The following CTSC variants were observed in gnomAD, a reference collection of about 807,000 sequenced individuals.
The protein encoded by CTSC is cathepsin C, also known as dipeptidyl peptidase 1.
A neutral mutation model predicts 40.9 loss-of-function variants in CTSC; 37 were observed. The observed-to-expected ratio is 0.91, with a 90% confidence interval of 0.70 to 1.19. The LOEUF is 1.19. Ranked by LOEUF, CTSC falls within the 50% of genes most tolerant of loss-of-function variation. The pLI is 0.00. For synonymous variants in CTSC, 232 were observed against 207.4 expected (o/e 1.12, Z -1.02); for missense variants, 594 against 567.3 (o/e 1.05, Z -0.48).
intron 4 of CTSC, among the ~76,000 whole-genome samples, chr11:88,307,931 A>T (rs1000778394): frequency 9.9e-5 from 15 of 152,180 alleles, no homozygotes; most frequent in Non-Finnish European, 1.5e-5. Flanking sequence ...TAATTCACGC[A>T]GAGCCGGCTG....
intron 4 of CTSC, among the ~76,000 whole-genome samples, chr11:88,305,991 C>T (rs1937627975): frequency 6.6e-6 from 1 of 152,192 alleles, no homozygotes. Context: ...TTGAATAGAT[C>T]TCAGCTTCCT....
intron 4 of CTSC, among the ~76,000 whole-genome samples, chr11:88,306,001 T>C (rs1937628026): frequency 6.6e-6 from 1 of 152,224 alleles, no homozygotes; most frequent in African/African-American, 2.4e-5. Context: ...CTCAGCTTCC[T>C]GTCTCATGCA....
At position 88,294,213 on chromosome 11, in the gene CTSC, G is replaced by A; in HGVS notation, c.1185C>T (p.Asp395=). 6.2e-7 allele frequency: 1 copy of A among 1,613,990 alleles called. No individual in the cohort carries two copies. Among genetic ancestry groups the A allele is most frequent in the Non-Finnish European group, 8.5e-7 (1 of 1,179,982 alleles). Residue 395 remains aspartate, a synonymous_variant, in exon 7 of 7, where the codon GAC becomes GAT. Coordinates refer to ENST00000227266, the MANE Select transcript of CTSC (RefSeq NM_001814.6). ...KGIYHHTGLR[D]PFNPFELTNH... ...TAGTCAGCTCAAAGGGGTTGAAAGG[G>A]TCTCTTAGACCAGTGTGGTGGTAGA...
intron 1 of CTSC, among the ~76,000 whole-genome samples, chr11:88,335,748 G>A (rs1938475716): frequency 6.6e-6 from 1 of 152,166 alleles, no homozygotes; most frequent in Admixed American, 6.5e-5. Context: ...CAAAATGCTA[G>A]TCAAAAGTGG....
intron 2 of CTSC, among the ~76,000 whole-genome samples, chr11:88,314,937 T>C (rs1937842368): frequency 6.6e-6 from 1 of 152,018 alleles, no homozygotes; most frequent in Admixed American, 6.6e-5. Context: ...CCCTACTCAA[T>C]ATGATGACCA....
intron 2 of CTSC, chr11:88,324,342 C>A: frequency 1.0e-6 from 1 of 971,518 alleles, no homozygotes; most frequent in Non-Finnish European, 1.2e-6. Flanking sequence ...ATATTTTTTA[C>A]ATATCAGTTG....
At chr11:88,325,587 G>A (rs563141489) in intron 2 of CTSC, 2 of 985,276 alleles carry the variant, frequency 2.0e-6, no homozygotes, top group Admixed American at 1.2e-4. Flanking sequence ...AGCACTGTAA[G>A]AGATTAATTT....
At chr11:88,305,504 A>T (rs1180492367) in intron 4 of CTSC, among the ~76,000 whole-genome samples, 1 of 152,238 alleles carries the variant, frequency 6.6e-6, no homozygotes, top group Non-Finnish European at 1.5e-5. Context: ...ATTCTTTACA[A>T]ATCTAGTGAA....
intron 2 of CTSC, among the ~76,000 whole-genome samples, chr11:88,329,149 ACTGC>A (rs1938271148): frequency 7.1e-6 from 1 of 141,790 alleles, no homozygotes; most frequent in African/African-American, 2.6e-5. Context: ...AGTTTCTTTT[ACTGC>A]CTCAGAGAAA....
chr11:88,326,826 A>G (rs965117808), intron 2 of CTSC, among the ~76,000 whole-genome samples: 6 of 152,260 alleles, frequency 3.9e-5, no homozygotes, highest in African/African-American at 1.4e-4. Flanking sequence ...ATGACTAGGT[A>G]CTAGGCTATT....
chr11:88,317,081 C>T (rs1218006595), intron 2 of CTSC, among the ~76,000 whole-genome samples: 1 of 152,162 alleles, frequency 6.6e-6, no homozygotes, highest in African/African-American at 2.4e-5. Context: ...ATTCTCCTGC[C>T]TCAGCCGCCT....
At chr11:88,302,015 A>G (rs1944370276) in intron 4 of CTSC, among the ~76,000 whole-genome samples, 1 of 152,106 alleles carries the variant, frequency 6.6e-6, no homozygotes, top group African/African-American at 2.4e-5. Context: ...AACTGCTCAT[A>G]AAGTAGCCTC....
chr11:88,294,401 T>C lies in CTSC; in HGVS notation c.997A>G (p.Met333Val), dbSNP rs1367002598. Residue 333 changes from methionine (M) to valine (V), a missense_variant, in exon 7 of 7, where the codon ATG (methionine) becomes GTG (valine). Coordinates refer to ENST00000227266, the MANE Select transcript of CTSC (RefSeq NM_001814.6). Reference protein sequence around the residue: ...PYTGTDSPCKMKEDCFRYYSS... With the variant: ...PYTGTDSPCKVKEDCFRYYSS... ...TAATAACGAAAGCAGTCTTCCTTCA[T>C]TTTGCATGGAGAATCAGTGCCTGTG... 2 of 1,614,136 alleles carry C rather than the reference T, an allele frequency of 1.2e-6. No homozygotes were observed. The highest frequency in any genetic ancestry group is 2.7e-5 in the African/African-American group (2 of 75,028).
chr11:88,309,610 T>G, intron 3 of CTSC, among the ~76,000 whole-genome samples: 1 of 152,150 alleles, frequency 6.6e-6, no homozygotes, highest in East Asian at 1.9e-4. Context: ...TTAATGATGT[T>G]TCATTTTCTA....
chr11:88,326,151 G>A (rs1316029806), intron 2 of CTSC: 76 of 1,310,074 alleles, frequency 5.8e-5, no homozygotes, highest in Non-Finnish European at 7.2e-5. Flanking sequence ...TGCATCTTCA[G>A]AATTTTTTTT....
chr11:88,296,737 T>TG, intron 5 of CTSC: 1 of 239,156 alleles, frequency 4.2e-6, no homozygotes, highest in Non-Finnish European at 8.2e-6. Flanking sequence ...CCAAAAGTGA[T>TG]GGTCTTAGGA....
intron 6 of CTSC, among the ~76,000 whole-genome samples, chr11:88,295,866 C>G (rs953309913): frequency 6.6e-6 from 1 of 152,176 alleles, no homozygotes; most frequent in Non-Finnish European, 1.5e-5. Flanking sequence ...ATACTTACTA[C>G]TTCTCAGAGT....
Position 88,335,102 on chromosome 11 carries a change from G to C in CTSC, c.173-20C>G. On this transcript the variant is annotated intron_variant, in intron 1 of 6. Transcript: ENST00000227266. ...GTGGTCCTAAAGAAAAAAAAAAAAAGCACAATAAAGGAAAATTATTTGGAT... is the reference window on the plus strand; with the variant it reads ...GTGGTCCTAAAGAAAAAAAAAAAAACCACAATAAAGGAAAATTATTTGGAT... 1 of 1,439,840 alleles carries C rather than the reference G, an allele frequency of 6.9e-7. No homozygotes were observed. Among genetic ancestry groups the C allele is most frequent in the Non-Finnish European group, 9.6e-7 (1 of 1,036,796 alleles). 89.2% of individuals were successfully genotyped at this position (1,439,840 alleles called of 1,614,324 possible). A position where few individuals can be genotyped will look rare whatever the true frequency, so the allele number is the denominator to read the frequency against.
chr11:88,326,233 A>G, intron 2 of CTSC: 1 of 1,477,228 alleles, frequency 6.8e-7, no homozygotes, highest in Non-Finnish European at 9.0e-7. Flanking sequence ...GGGAGTGTTC[A>G]GGAGGGCAGC....
Sources: gnomAD v4.1 joint callset for allele counts (sites outside exome capture counted in the v4.1 genomes callset) on GRCh38, gnomAD v4.1.1 for gene constraint, MANE v1.5 for transcripts, NCBI Gene and HGNC (gene_info 2026-07-23, HGNC 2026-07-21) for gene names.